PLD5: variants seen among roughly 807,000 people sequenced by gnomAD.
PLD5 encodes phospholipase D family member 5.
In PLD5, 36 loss-of-function variants were observed where a neutral mutation model predicts 61.1. That is an observed-to-expected ratio of 0.59 (90% CI 0.45 to 0.78). The LOEUF is 0.78. Among genes scored for constraint, PLD5 ranks in the 30% least tolerant of loss-of-function variants. The pLI is 0.00. For synonymous variants in PLD5, 243 were observed against 242.8 expected, an observed-to-expected ratio of 1.00 and a Z score of -0.01; for missense variants, 515 against 644.4, an observed-to-expected ratio of 0.80 and a Z score of 2.17.
chr1:242,483,252 A>G (rs1667845403), intron 1 of PLD5, among the ~76,000 whole-genome samples: 1 of 152,218 alleles, frequency 6.6e-6, no homozygotes, highest in Admixed American at 6.5e-5. Flanking sequence ...CAATTAAAAG[A>G]CACAGACTGG....
chr1:242,303,910 A>G (rs1676200756), intron 2 of PLD5, among the ~76,000 whole-genome samples: 1 of 152,126 alleles, frequency 6.6e-6, no homozygotes, highest in African/African-American at 2.4e-5. Flanking sequence ...AGTAATTTTC[A>G]TAAGTTGAGG....
intron 4 of PLD5, among the ~76,000 whole-genome samples, chr1:242,247,541 A>C (rs1407240089): frequency 6.6e-6 from 1 of 152,196 alleles, no homozygotes; most frequent in Non-Finnish European, 1.5e-5. Flanking sequence ...TTATGGTCAC[A>C]AAGAGTCTAT....
rs140457223 is a variant in PLD5, at chr1:242,421,571, G to A, written c.190-73329C>T. 2.6e-3 allele frequency among the ~76,000 whole-genome samples: 403 copies of A among 152,300 alleles called. 7 individuals carry two copies. Among genetic ancestry groups the A allele is most frequent in the African/African-American group, 9.1e-3 (379 of 41,548 alleles). ...TGACCAGGAGATACGGGATTTCATA[G>A]GGTAGGGATTGAAGAAATGTGAATA... On this transcript the variant is annotated intron_variant, in intron 1 of 9. Transcript: ENST00000536534.
intron 4 of PLD5, among the ~76,000 whole-genome samples, chr1:242,264,210 C>T (rs539474406): frequency 1.2e-3 from 184 of 152,266 alleles, no homozygotes; most frequent in Non-Finnish European, 2.2e-3. Flanking sequence ...TTCTAAGCCA[C>T]GTTGATTGTA....
intron 2 of PLD5, among the ~76,000 whole-genome samples, chr1:242,312,886 T>C (rs192441105): frequency 2.3e-4 from 35 of 152,346 alleles, no homozygotes; most frequent in Non-Finnish European, 4.7e-4. Flanking sequence ...CTTATAAATT[T>C]TTGACTGATT....
chr1:242,247,138 C>T lies in PLD5; in HGVS notation c.607+18199G>A, dbSNP rs529351488. Reference sequence around the variant, plus strand: ...AGCTGGGACTACAGGCGCCCGCCACCATGCCCGGCTAATTTTTGTATTTTT... The same window carrying T: ...AGCTGGGACTACAGGCGCCCGCCACTATGCCCGGCTAATTTTTGTATTTTT... On this transcript the variant is annotated intron_variant, in intron 4 of 9. Coordinates refer to ENST00000536534, the MANE Select transcript of PLD5 (RefSeq NM_001372062.1). Among the ~76,000 whole-genome samples, 1,036 of 152,152 alleles carry T rather than the reference C, an allele frequency of 6.8e-3. 23 individuals carry two copies. The highest frequency in any genetic ancestry group is 0.056 in the East Asian group (290 of 5,166).
intron 3 of PLD5, among the ~76,000 whole-genome samples, chr1:242,281,984 C>T (rs1674743714): frequency 6.6e-6 from 1 of 152,188 alleles, no homozygotes; most frequent in South Asian, 2.1e-4. Flanking sequence ...TTTGCAGAAA[C>T]TCTAATCCCC....
At chr1:242,155,019 C>A (rs1346123810) in intron 5 of PLD5, among the ~76,000 whole-genome samples, 2 of 152,136 alleles carry the variant, frequency 1.3e-5, no homozygotes, top group Admixed American at 1.3e-4. Context: ...GCCTCAATTT[C>A]AGAACTTGTT....
intron 2 of PLD5, among the ~76,000 whole-genome samples, chr1:242,337,965 C>G (rs770613692): frequency 6.6e-6 from 1 of 152,254 alleles, no homozygotes; most frequent in Middle Eastern, 3.4e-3. Context: ...GGCTTTTAGA[C>G]TCACAGTTCA....
At chr1:242,470,246 G>A (rs1408224360) in intron 1 of PLD5, among the ~76,000 whole-genome samples, 2 of 152,014 alleles carry the variant, frequency 1.3e-5, no homozygotes, top group African/African-American at 4.8e-5. Flanking sequence ...GGAGGCTGAG[G>A]CAGGAGAATG....
chr1:242,137,075 A>C (rs1468633676), intron 5 of PLD5, among the ~76,000 whole-genome samples: 1 of 152,216 alleles, frequency 6.6e-6, no homozygotes, highest in Non-Finnish European at 1.5e-5. Context: ...AGGGGAAAAC[A>C]GAAAGAAAAA....
At chr1:242,513,026 C>T (rs775041851) in intron 1 of PLD5, among the ~76,000 whole-genome samples, 4 of 152,024 alleles carry the variant, frequency 2.6e-5, no homozygotes, top group Non-Finnish European at 2.9e-5. Context: ...CATATAGACA[C>T]GTGCTACCAC....
intron 5 of PLD5, among the ~76,000 whole-genome samples, chr1:242,134,446 G>T (rs1663547985): frequency 6.6e-6 from 1 of 151,776 alleles, no homozygotes; most frequent in Non-Finnish European, 1.5e-5. Flanking sequence ...TAAATCTCAG[G>T]CTACTTTCCT....
At chr1:242,246,730 A>G (rs1279969364) in intron 4 of PLD5, among the ~76,000 whole-genome samples, 1 of 152,148 alleles carries the variant, frequency 6.6e-6, no homozygotes, top group Non-Finnish European at 1.5e-5. Flanking sequence ...AACTCGGTAA[A>G]GTATTTTACA....
intron 1 of PLD5, among the ~76,000 whole-genome samples, chr1:242,510,844 CAA>C (rs879568821): frequency 8.3e-6 from 1 of 119,784 alleles, no homozygotes; most frequent in Admixed American, 8.5e-5. Flanking sequence ...GACTCTGTCT[CAA>C]AAAAAAAAAA....
At chr1:242,264,795 A>C (rs1359784233) in intron 4 of PLD5, among the ~76,000 whole-genome samples, 1 of 152,202 alleles carries the variant, frequency 6.6e-6, no homozygotes, top group Non-Finnish European at 1.5e-5. Flanking sequence ...TAGCAAAATA[A>C]AAAAAAGTTA....
rs574059450 is a variant in PLD5, at chr1:242,107,607, G to T, written c.1239+64C>A. 9.1e-6 allele frequency: 13 copies of T among 1,427,330 alleles called. No individual in the cohort carries two copies. The Admixed American group carries it at 2.7e-4, about 30-fold the overall frequency. The allele number at this position is 1,427,330 out of a possible 1,614,324, so 88.4% of individuals were successfully genotyped here. ...CTTTACACATAGGCGTATGCTTGCA[G>T]CTTTCACACACATGCAGAGGGCATT... On this transcript the variant is annotated intron_variant, in intron 8 of 9. Transcript: ENST00000536534.
At chr1:242,266,599 T>C (rs1384761737) in intron 3 of PLD5, among the ~76,000 whole-genome samples, 1 of 152,226 alleles carries the variant, frequency 6.6e-6, no homozygotes, top group African/African-American at 2.4e-5. Context: ...TCTTCTTGTA[T>C]TGATTTTTTA....
At chr1:242,410,155 G>T (rs1427900585) in intron 1 of PLD5, among the ~76,000 whole-genome samples, 1 of 152,138 alleles carries the variant, frequency 6.6e-6, no homozygotes, top group Non-Finnish European at 1.5e-5. Context: ...TGCTGAAAAG[G>T]GGTATCAAAT....
Sources: gnomAD v4.1 joint callset for allele counts (sites outside exome capture counted in the v4.1 genomes callset) on GRCh38, gnomAD v4.1.1 for gene constraint, MANE v1.5 for transcripts, NCBI Gene and HGNC (gene_info 2026-07-23, HGNC 2026-07-21) for gene names.